ADAR: variants seen among roughly 807,000 people sequenced by gnomAD.
The protein encoded by ADAR is double-stranded RNA-specific adenosine deaminase.
Under a neutral mutation model 113.2 loss-of-function variants are expected in ADAR, and 41 were observed. That is an observed-to-expected ratio of 0.36 (90% CI 0.28 to 0.47). ADAR has a LOEUF of 0.47. Among genes scored for constraint, ADAR ranks in the 20% least tolerant of loss-of-function variants. The probability of loss-of-function intolerance (pLI) is 1.00; values close to 1 mark genes in which losing one functional copy is unlikely to be tolerated. For synonymous variants in ADAR, 605 were observed against 572.6 expected (o/e 1.06, Z -0.81); for missense variants, 1,242 against 1,540.9 (o/e 0.81, Z 3.25).
Position 154,597,846 on chromosome 1 carries a change from C to T in ADAR, c.1916G>A (p.Gly639Asp). 1 of 1,614,116 alleles carries T rather than the reference C, an allele frequency of 6.2e-7. No individual in the cohort carries two copies. Among genetic ancestry groups the T allele is most frequent in the Non-Finnish European group, 8.5e-7 (1 of 1,180,026 alleles). ...SCEFRLLSKEGPAHEPKFQYC... is the reference protein window; with the variant it reads ...SCEFRLLSKEDPAHEPKFQYC... Reference sequence around the variant, plus strand: ...GACATACTTGGGTTCATGGGCAGGGCCTTCTTTGGACAGGAGACGGAATTC... The same window carrying T: ...GACATACTTGGGTTCATGGGCAGGGTCTTCTTTGGACAGGAGACGGAATTC... The change falls in exon 4 of 15, where the codon GGC becomes GAC. Residue 639 changes from glycine to aspartate, a missense_variant. Physicochemically the swap from Gly to Asp is moderately conservative, Grantham distance 94. Coordinates refer to ENST00000368474, the MANE Select transcript of ADAR (RefSeq NM_001111.5).
At chr1:154,590,834 G>C (rs910935139) in intron 6 of ADAR, among the ~76,000 whole-genome samples, 10 of 151,212 alleles carry the variant, frequency 6.6e-5, no homozygotes, top group African/African-American at 2.4e-4. Flanking sequence ...TGTGCCTATA[G>C]TCTCAGCTAC....
intron 1 of ADAR, among the ~76,000 whole-genome samples, chr1:154,620,538 G>A (rs962853784): frequency 1.3e-5 from 2 of 152,162 alleles, no homozygotes; most frequent in African/African-American, 2.4e-5. Context: ...TAACCCAAAT[G>A]TCAATCAACT....
chr1:154,623,350 A>C lies in ADAR; in HGVS notation c.-871+4505T>G, dbSNP rs1698845152. 1.3e-5 allele frequency among the ~76,000 whole-genome samples: 2 copies of C among 152,172 alleles called. 1 individual carries two copies. The highest frequency in any genetic ancestry group is 4.8e-5 in the African/African-American group (2 of 41,436). ...AGCACATAATGGATGCCACAGTGGG[A>C]GTCAAAGTTTGATGGACAAACACAA... On this transcript the variant is annotated intron_variant, in intron 1 of 14. Coordinates refer to the ADAR transcript ENST00000368471.
chr1:154,601,777 C>G lies in ADAR; in HGVS notation c.865G>C (p.Asp289His), dbSNP rs372242904. ...EDSNSTSALE[D>H]PLEFLDMAEI... ...GCCATGTCTAAAAACTCAAGAGGATCTTCCAAGGCAGATGTGGAGTTGCTG... is the reference window on the plus strand; with the variant it reads ...GCCATGTCTAAAAACTCAAGAGGATGTTCCAAGGCAGATGTGGAGTTGCTG... Residue 289 changes from aspartate (D) to histidine (H), a missense_variant, in exon 2 of 15, where the codon GAT (aspartate) becomes CAT (histidine). Transcript: ENST00000368474. This position sits in a 1 kb window ranked among gnomAD's most constrained non-coding sequence, Gnocchi z 4.7. 2 of 1,614,238 alleles carry G rather than the reference C, an allele frequency of 1.2e-6. No individual in the cohort carries two copies. The highest frequency in any genetic ancestry group is 1.7e-6 in the Non-Finnish European group (2 of 1,180,046).
chr1:154,590,432 T>A, intron 6 of ADAR, 23 bp from the exon 7 acceptor site: 1 of 1,607,730 alleles, frequency 6.2e-7, no homozygotes, highest in Non-Finnish European at 8.5e-7. Flanking sequence ...AAACAGAGAA[T>A]GAAGACAAGT....
At position 154,589,736 on chromosome 1, in the gene ADAR, ATGTC is replaced by A. The variant is rs1380619224; in HGVS notation, c.2668+17_2668+20del. The stretch of plus-strand genomic sequence containing the variant: ...GCTTTCAGGCGCCATGGGAGGCGGC[ATGTC>A]TCAGAGCCTCACTCACCTGTTCCCA... On this transcript the variant is annotated intron_variant, in intron 8 of 14. Transcript: ENST00000368474. 1 of 1,613,980 alleles carries A rather than the reference ATGTC, an allele frequency of 6.2e-7. No homozygotes were observed. The highest frequency in any genetic ancestry group is 8.5e-7 in the Non-Finnish European group (1 of 1,180,014).
At chr1:154,615,711 A>C (rs1698616919) in intron 1 of ADAR, among the ~76,000 whole-genome samples, 1 of 152,146 alleles carries the variant, frequency 6.6e-6, no homozygotes, top group Non-Finnish European at 1.5e-5. Context: ...ACCATGCCTC[A>C]CCACATTTTT....
At chr1:154,589,310 G>A in intron 9 of ADAR, 59 bp downstream of exon 9, 1 of 1,348,548 alleles carries the variant, frequency 7.4e-7, no homozygotes, top group African/African-American at 1.4e-5. Context: ...GCCATGTGGG[G>A]CAGGGAACTG....
rs1697600612 is a variant in ADAR, at chr1:154,597,796, C to A, written c.1934+32G>T. ...GTGTCTCTTTTTCTTTCTGAGAAAA[C>A]CTCAGCTGGACAGAGGACACGTAGG... is the stretch of plus-strand genomic sequence containing the variant. On this transcript the variant is annotated intron_variant, in intron 4 of 14. Coordinates refer to ENST00000368474, the MANE Select transcript of ADAR (RefSeq NM_001111.5). 5 of 1,613,750 alleles carry A rather than the reference C, an allele frequency of 3.1e-6. No homozygotes were observed. In the South Asian group the frequency reaches 4.4e-5, roughly 14 times the overall value.
rs773991951 is a variant in ADAR at position 154,602,535 on chromosome 1, G to A, written c.107C>T (p.Pro36Leu). The A allele has an allele frequency of 2.5e-6, 4 of 1,614,080 alleles. No individual in the cohort carries two copies. The African/African-American group carries it at 5.3e-5, about 22-fold the overall frequency. Reference sequence around the variant, plus strand: ...TATTTGCTTAAGCAGGAAACTACTGGGGGAAGATCCTGGCCCAGGCTGCTG... The same window carrying A: ...TATTTGCTTAAGCAGGAAACTACTGAGGGAAGATCCTGGCCCAGGCTGCTG... ...RYQQPGPGSSPSSFLLKQIEF... is the reference protein window; with the variant it reads ...RYQQPGPGSSLSSFLLKQIEF... Residue 36 changes from proline to leucine, a missense_variant, in exon 2 of 15, where the codon CCC becomes CTC. Pro to Leu is a moderately conservative substitution (Grantham distance 98). Transcript: ENST00000368474.
At chr1:154,585,489 G>T in intron 13 of ADAR, 145 bp from the exon 14 acceptor site, 1 of 1,176,024 alleles carries the variant, frequency 8.5e-7, no homozygotes, top group Non-Finnish European at 1.2e-6. Context: ...CTAAGACTGA[G>T]CACCCTCTAG....
chr1:154,605,463 C>T (rs554452087), intron 1 of ADAR, among the ~76,000 whole-genome samples: 1 of 150,144 alleles, frequency 6.7e-6, no homozygotes, highest in African/African-American at 2.4e-5. Context: ...GGCACACACA[C>T]ATTGCAGTGT....
At chr1:154,590,153 C>T (rs60407842) in intron 7 of ADAR, 31 bp downstream of exon 7, 4 of 1,141,324 alleles carry the variant, frequency 3.5e-6, no homozygotes, top group Non-Finnish European at 5.0e-6. Context: ...CCCCCCGCCC[C>T]AAAAAAGGCA....
Position 154,602,440 on chromosome 1 carries a change from G to C in ADAR, c.202C>G (p.Leu68Val), listed in dbSNP as rs1280361409. The C allele has an allele frequency of 2.5e-6, 4 of 1,612,312 alleles. No individual in the cohort carries two copies. The highest frequency in any genetic ancestry group is 3.4e-6 in the Non-Finnish European group (4 of 1,178,874). The stretch of plus-strand genomic sequence containing the variant: ...GGAAACCTTGGCCGGAGTCCTGGGA[G>C]GGAAGGTGGCAGTGACGGTGTCTGC... ...GKQTPSLPPS[L>V]PGLRPRFPVL... The change falls in exon 2 of 15, where the codon CTC becomes GTC. Residue 68 changes from leucine to valine, a missense_variant. Coordinates refer to ENST00000368474, the MANE Select transcript of ADAR (RefSeq NM_001111.5).
upstream of ADAR, among the ~76,000 whole-genome samples, chr1:154,611,310 CAGA>C (rs1231910419): frequency 5.9e-5 from 9 of 152,284 alleles, no homozygotes; most frequent in Admixed American, 3.9e-4. Context: ...CTTTCCTCAA[CAGA>C]AGGTCAGTTT....
At chr1:154,588,895 G>C (rs775392046) in intron 9 of ADAR, among the ~76,000 whole-genome samples, 1 of 152,162 alleles carries the variant, frequency 6.6e-6, no homozygotes, top group South Asian at 2.1e-4. Flanking sequence ...TCGCTATGGC[G>C]GCTACAGGGA....
At chr1:154,593,534 A>T (rs1697304829) in intron 6 of ADAR, among the ~76,000 whole-genome samples, 1 of 152,234 alleles carries the variant, frequency 6.6e-6, no homozygotes, top group South Asian at 2.1e-4. Flanking sequence ...ATTTCACAGA[A>T]GATTTCACAG....
intron 6 of ADAR, among the ~76,000 whole-genome samples, chr1:154,594,567 A>T (rs1236122494): frequency 6.6e-6 from 1 of 152,204 alleles, no homozygotes; most frequent in African/African-American, 2.4e-5. Context: ...GGGTAGCATA[A>T]ATAATTCCAC....
intron 6 of ADAR, among the ~76,000 whole-genome samples, chr1:154,591,557 C>T (rs1045105473): frequency 1.3e-5 from 2 of 152,246 alleles, no homozygotes; most frequent in Non-Finnish European, 2.9e-5. Flanking sequence ...TTCTACCGCT[C>T]CGGCTGGTAA....
Sources: allele counts gnomAD v4.1 joint callset (sites outside exome capture counted in the v4.1 genomes callset), GRCh38; gene constraint gnomAD v4.1.1; non-coding constraint Gnocchi (gnomAD v3.1); transcripts MANE v1.5; gene names NCBI Gene and HGNC (gene_info 2026-07-23, HGNC 2026-07-21).